Variants in NUAK1 observed in about 807,000 individuals in gnomAD.
The protein encoded by NUAK1 is NUAK family kinase 1.
Under a neutral mutation model 56.9 loss-of-function variants are expected in NUAK1, and 26 were observed. That is an observed-to-expected ratio of 0.46 (90% CI 0.33 to 0.63). The LOEUF (loss-of-function observed/expected upper bound fraction) is 0.63, where lower values mean the gene tolerates loss of function less well. NUAK1 is among the 30% of genes least tolerant of loss of function. NUAK1 has a pLI of 0.02. For missense variants in NUAK1, 727 were observed against 876.1 expected (o/e 0.83, Z 2.15); for synonymous variants, 337 against 336.0 (o/e 1.00, Z -0.03).
intron 1 of NUAK1, among the ~76,000 whole-genome samples, chr12:106,121,149 G>A (rs537256398): frequency 1.3e-5 from 2 of 152,172 alleles, no homozygotes; most frequent in South Asian, 2.1e-4. Context: ...AGGCAGACCC[G>A]AGCTTTTAAC....
chr12:106,138,425 A>G lies in NUAK1; in HGVS notation c.229T>C (p.Ser77Pro). The change falls in exon 1 of 7, where the codon TCT becomes CCT. Residue 77 changes from serine to proline, a missense_variant. Ser to Pro is a moderately conservative substitution (Grantham distance 74). Transcript: ENST00000261402. This position sits in a 1 kb window ranked among gnomAD's most constrained non-coding sequence, Gnocchi z 5.0. ...GKVKRATERF[S>P]GRVVAIKSIR... Reference sequence around the variant, plus strand: ...ATTGCCCCACTCACCACTCGGCCAGAAAACCTCTCGGTGGCCCGCTTGACT... The same window carrying G: ...ATTGCCCCACTCACCACTCGGCCAGGAAACCTCTCGGTGGCCCGCTTGACT... The G allele has an allele frequency of 6.2e-7, 1 of 1,609,526 alleles. No individual in the cohort carries two copies. Among genetic ancestry groups the G allele is most frequent in the Non-Finnish European group, 8.5e-7 (1 of 1,178,484 alleles).
chr12:106,128,362 C>T (rs933343755), intron 1 of NUAK1, among the ~76,000 whole-genome samples: 17 of 152,064 alleles, frequency 1.1e-4, no homozygotes, highest in African/African-American at 4.1e-4. Flanking sequence ...AACTCCTAAC[C>T]TCAAATAATC....
intron 1 of NUAK1, among the ~76,000 whole-genome samples, chr12:106,119,534 C>T (rs1399669391): frequency 6.6e-6 from 1 of 152,154 alleles, no homozygotes; most frequent in Non-Finnish European, 1.5e-5. Context: ...AGCTTACTCA[C>T]AGAAAATCTG....
chr12:106,068,026 C>A, intron 6 of NUAK1, 71 bp from the exon 7 acceptor site: 1 of 1,446,554 alleles, frequency 6.9e-7, no homozygotes, highest in East Asian at 2.3e-5. Context: ...TGGGACCCTC[C>A]AGGAGTGACG....
intron 1 of NUAK1, among the ~76,000 whole-genome samples, chr12:106,128,489 T>C (rs1033226793): frequency 2.0e-5 from 3 of 152,156 alleles, no homozygotes; most frequent in Admixed American, 2.0e-4. Context: ...TGTAGAAGAC[T>C]GGGACATGAG....
chr12:106,079,672 A>T (rs1435578734), intron 4 of NUAK1, among the ~76,000 whole-genome samples: 8 of 152,038 alleles, frequency 5.3e-5, no homozygotes, highest in Admixed American at 6.5e-5. Context: ...TAAAAGAGCA[A>T]CTCTATTCTT....
chr12:106,129,238 G>A (rs141831811), intron 1 of NUAK1, among the ~76,000 whole-genome samples: 104 of 152,348 alleles, frequency 6.8e-4, no homozygotes, highest in African/African-American at 2.4e-3. Flanking sequence ...AAGGGGAAGC[G>A]TGACCCAGAG....
chr12:106,094,683 G>A (rs1281683747), intron 2 of NUAK1, among the ~76,000 whole-genome samples: 2 of 152,198 alleles, frequency 1.3e-5, no homozygotes, highest in Admixed American at 1.3e-4. Context: ...TCTGGATGTT[G>A]GCTGGCATGC....
At position 106,066,983 on chromosome 12, in the gene NUAK1, A is replaced by G. The variant is rs1227100746; in HGVS notation, c.1805T>C (p.Val602Ala). The change falls in exon 7 of 7, where the codon GTC (valine) becomes GCC (alanine). Residue 602 changes from valine (V) to alanine (A), a missense_variant. Physicochemically the swap from Val to Ala is moderately conservative, Grantham distance 64. Transcript: ENST00000261402. ...GATCTGGAGGAAGTTTTCTGCAGAGACGCAGCTGCGGATGCGCTGGCGGGC... is the reference window on the plus strand; with the variant it reads ...GATCTGGAGGAAGTTTTCTGCAGAGGCGCAGCTGCGGATGCGCTGGCGGGC... ...RPARQRIRSC[V>A]SAENFLQIQD... The G allele has an allele frequency of 6.2e-7, 1 of 1,614,172 alleles. No homozygotes were observed. Among genetic ancestry groups the G allele is most frequent in the Non-Finnish European group, 8.5e-7 (1 of 1,180,040 alleles).
intron 1 of NUAK1, among the ~76,000 whole-genome samples, chr12:106,118,417 A>G (rs571511180): frequency 6.6e-6 from 1 of 151,974 alleles, no homozygotes; most frequent in Non-Finnish European, 1.5e-5. Context: ...GGAAGAAAAC[A>G]CTCTTAGCCC....
intron 1 of NUAK1, among the ~76,000 whole-genome samples, chr12:106,107,800 A>G (rs2032817337): frequency 1.3e-5 from 2 of 152,186 alleles, no homozygotes; most frequent in South Asian, 4.1e-4. Flanking sequence ...ATGACTCAAC[A>G]AGAACTGGGT....
chr12:106,086,440 G>C (rs1385202689), intron 3 of NUAK1, among the ~76,000 whole-genome samples: 1 of 152,106 alleles, frequency 6.6e-6, no homozygotes, highest in Non-Finnish European at 1.5e-5. Context: ...GGAACTCTCT[G>C]TACTACCTTT....
intron 2 of NUAK1, among the ~76,000 whole-genome samples, chr12:106,095,091 C>A (rs2032682665): frequency 6.6e-6 from 1 of 152,164 alleles, no homozygotes; most frequent in Non-Finnish European, 1.5e-5. Context: ...AACTCCACAG[C>A]CTCCCTGATC....
rs2032303790 is a variant in NUAK1 at position 106,063,584 on chromosome 12, T to C, written c.*3218A>G. The C allele has an allele frequency of 6.6e-6, 1 of 152,280 alleles. No homozygotes were observed. The highest frequency in any genetic ancestry group is 2.4e-5 in the African/African-American group (1 of 41,294). 9.4% of individuals were successfully genotyped at this position (152,280 alleles called of 1,614,324 possible). Reference sequence around the variant, plus strand: ...ATATATTATTATAATACCTTTGAAATGCCTTTCAGACCAATAAATAAAAAA... The same window carrying C: ...ATATATTATTATAATACCTTTGAAACGCCTTTCAGACCAATAAATAAAAAA... On this transcript the variant is annotated 3_prime_UTR_variant, in exon 7 of 7. Coordinates refer to ENST00000261402, the MANE Select transcript of NUAK1 (RefSeq NM_014840.3).
chr12:106,092,143 T>A (rs2032641560), intron 2 of NUAK1, among the ~76,000 whole-genome samples: 1 of 152,028 alleles, frequency 6.6e-6, no homozygotes, highest in African/African-American at 2.4e-5. Flanking sequence ...TCATTAATCA[T>A]CTCCCCAAAG....
intron 1 of NUAK1, among the ~76,000 whole-genome samples, chr12:106,113,514 G>A (rs566880218): frequency 2.0e-5 from 3 of 152,038 alleles, no homozygotes; most frequent in African/African-American, 7.2e-5. Flanking sequence ...GAAGGTGGCA[G>A]TGTTCAGGGT....
chr12:106,078,397 G>A (rs945433676), intron 4 of NUAK1, among the ~76,000 whole-genome samples: 2 of 152,228 alleles, frequency 1.3e-5, no homozygotes, highest in African/African-American at 4.8e-5. Context: ...GAGGCACAGG[G>A]TGGTAAACTG....
Position 106,067,053 on chromosome 12 carries a change from A to G in NUAK1, c.1735T>C (p.Ser579Pro). The change falls in exon 7 of 7, where the codon TCC becomes CCC. Residue 579 changes from serine (S) to proline (P), a missense_variant. By Grantham distance (74) the Ser-to-Pro change is moderately conservative (BLOSUM62 -1). Coordinates refer to ENST00000261402, the MANE Select transcript of NUAK1 (RefSeq NM_014840.3). This position sits in a 1 kb window ranked among gnomAD's most constrained non-coding sequence, Gnocchi z 6.0. ...TCCAGCAAGTCAAAAGAGTCGCTGG[A>G]CAGCACGCTGTCATCGCTGATGACA... ...SSVISDDSVL[S>P]SDSFDLLDLQ... is the part of the protein sequence containing the mutation. 6.2e-7 allele frequency: 1 copy of G among 1,614,204 alleles called. No homozygotes were observed. Among genetic ancestry groups the G allele is most frequent in the Non-Finnish European group, 8.5e-7 (1 of 1,180,030 alleles).
At chr12:106,121,436 C>G (rs1035239373) in intron 1 of NUAK1, among the ~76,000 whole-genome samples, 1 of 152,116 alleles carries the variant, frequency 6.6e-6, no homozygotes, top group African/African-American at 2.4e-5. Flanking sequence ...AAGGGGTCTC[C>G]TGTCTTTCTA....
Sources: gnomAD v4.1 joint callset for allele counts (sites outside exome capture counted in the v4.1 genomes callset) on GRCh38, gnomAD v4.1.1 for gene constraint, Gnocchi (gnomAD v3.1) non-coding constraint, MANE v1.5 for transcripts, NCBI Gene and HGNC (gene_info 2026-07-23, HGNC 2026-07-21) for gene names.